Variants in ZFPM1 observed in about 807,000 individuals in gnomAD.
The protein encoded by ZFPM1 is zinc finger protein ZFPM1.
A neutral mutation model predicts 46.3 loss-of-function variants in ZFPM1; 28 were observed. That is an observed-to-expected ratio of 0.60 (90% CI 0.45 to 0.83). ZFPM1 has a LOEUF of 0.83. Ranked by LOEUF, ZFPM1 falls within the 40% of genes least tolerant of loss-of-function variation. The pLI is 0.00. For synonymous variants in ZFPM1, 957 were observed against 675.9 expected, an observed-to-expected ratio of 1.42 and a Z score of -6.45; for missense variants, 1,878 against 1,432.4, an observed-to-expected ratio of 1.31 and a Z score of -5.02.
chr16:88,534,380 GC>G lies in ZFPM1; in HGVS notation c.2426del (p.Pro809ArgfsTer16). 1.4e-6 allele frequency: 2 copies of G among 1,456,338 alleles called. No homozygotes were observed. The highest frequency in any genetic ancestry group is 1.8e-6 in the Non-Finnish European group (2 of 1,109,502). 90.2% of individuals were successfully genotyped at this position (1,456,338 alleles called of 1,614,324 possible). Reference sequence around the variant, plus strand: ...GAAGCCGCGGCGCCCGCTCCCCGGAGCCCCGGCACCGGCGCTGGCCGACTAC... The same window carrying G: ...GAAGCCGCGGCGCCCGCTCCCCGGAGCCCGGCACCGGCGCTGGCCGACTAC... ...SKKPRRPLPG[A>X]PAPALADYHE... On this transcript the variant is annotated frameshift_variant, in exon 10 of 10. Transcript: ENST00000319555. LOFTEE classifies it low-confidence loss of function (END_TRUNC).
At chr16:88,472,498 C>T (rs1284552807) in intron 1 of ZFPM1, among the ~76,000 whole-genome samples, 8 of 151,782 alleles carry the variant, frequency 5.3e-5, no homozygotes, top group South Asian at 2.1e-4. Context: ...GGACTATAGG[C>T]GCCTGCCACC....
In ZFPM1 at chr16:88,534,381, C is replaced by T. The variant is rs765666484; in HGVS notation, c.2423C>T (p.Ala808Val). The stretch of plus-strand genomic sequence containing the variant: ...AAGCCGCGGCGCCCGCTCCCCGGAG[C>T]CCCGGCACCGGCGCTGGCCGACTAC... ...SKKPRRPLPG[A>V]PAPALADYHE... is the part of the protein sequence containing the mutation. The change falls in exon 10 of 10, where the codon GCC (alanine) becomes GTC (valine). Residue 808 changes from alanine to valine, a missense_variant. Ala to Val is a moderately conservative substitution (Grantham distance 64, BLOSUM62 0). Coordinates refer to ENST00000319555, the MANE Select transcript of ZFPM1 (RefSeq NM_153813.3). 2 of 1,457,624 alleles carry T rather than the reference C, an allele frequency of 1.4e-6. No homozygotes were observed. Among genetic ancestry groups the T allele is most frequent in the Non-Finnish European group, 1.8e-6 (2 of 1,109,978 alleles). 90.3% of individuals were successfully genotyped at this position (1,457,624 alleles called of 1,614,324 possible).
At chr16:88,484,597 C>T (rs1012980809) in intron 1 of ZFPM1, among the ~76,000 whole-genome samples, 2 of 152,214 alleles carry the variant, frequency 1.3e-5, no homozygotes, top group South Asian at 2.1e-4. Context: ...CTGCCCCCAT[C>T]GTGCTTCACA....
chr16:88,470,957 G>A (rs961164349), intron 1 of ZFPM1, among the ~76,000 whole-genome samples: 1 of 152,092 alleles, frequency 6.6e-6, no homozygotes, highest in Non-Finnish European at 1.5e-5. Context: ...GGCGGGAGAC[G>A]CAGCGTGACG....
At chr16:88,473,127 G>A (rs959479367) in intron 1 of ZFPM1, among the ~76,000 whole-genome samples, 2 of 152,274 alleles carry the variant, frequency 1.3e-5, no homozygotes, top group Non-Finnish European at 2.9e-5. Context: ...ACCCTGGAAC[G>A]AGGAAAAGGC....
At chr16:88,496,564 G>C (rs1314982025) in intron 3 of ZFPM1, among the ~76,000 whole-genome samples, 1 of 151,932 alleles carries the variant, frequency 6.6e-6, no homozygotes, top group African/African-American at 2.4e-5. Context: ...GAACAGGGGG[G>C]CTCCCCTGGA....
At position 88,534,724 on chromosome 16, in the gene ZFPM1, C is replaced by T. The variant is rs1214231263; in HGVS notation, c.2766C>T (p.Gly922=). ...PGSRGPRDGL[G]PEPQEPPPGP... ...CCCGTGGCCCCCGGGACGGCCTCGG[C>T]CCGGAGCCCCAGGAGCCGCCGCCCG... The change falls in exon 10 of 10, where the codon GGC becomes GGT. Residue 922 remains glycine (G), a synonymous_variant. Coordinates refer to ENST00000319555, the MANE Select transcript of ZFPM1 (RefSeq NM_153813.3). 33 of 983,850 alleles carry T rather than the reference C, an allele frequency of 3.4e-5. No individual in the cohort carries two copies. Among genetic ancestry groups the T allele is most frequent in the Non-Finnish European group, 3.9e-5 (32 of 829,606 alleles). 60.9% of individuals were successfully genotyped at this position (983,850 alleles called of 1,614,324 possible).
At chr16:88,521,482 AG>A (rs1267176623) in intron 4 of ZFPM1, among the ~76,000 whole-genome samples, 3 of 150,578 alleles carry the variant, frequency 2.0e-5, no homozygotes, top group Non-Finnish European at 4.4e-5. Flanking sequence ...CCCCCCGCTA[AG>A]GTATCCTGAG....
intron 1 of ZFPM1, among the ~76,000 whole-genome samples, chr16:88,473,848 G>A (rs762867003): frequency 3.3e-5 from 5 of 152,208 alleles, no homozygotes; most frequent in South Asian, 4.1e-4. Flanking sequence ...GTCCTTGCCC[G>A]CCACGGCCCC....
At chr16:88,493,063 AG>A (rs1909679349) in intron 3 of ZFPM1, among the ~76,000 whole-genome samples, 2 of 121,376 alleles carry the variant, frequency 1.6e-5, no homozygotes, top group African/African-American at 6.3e-5. Context: ...CGGGGTGCGG[AG>A]AGCTGTCCCG....
chr16:88,534,962 G>T lies in ZFPM1; in HGVS notation c.3004G>T (p.Ala1002Ser), dbSNP rs2142503105. 3 of 1,475,172 alleles carry T rather than the reference G, an allele frequency of 2.0e-6. No individual in the cohort carries two copies. Among genetic ancestry groups the T allele is most frequent in the Non-Finnish European group, 1.8e-6 (2 of 1,102,094 alleles). 91.4% of individuals were successfully genotyped at this position (1,475,172 alleles called of 1,614,324 possible). ...HKKYYCSSHAAEHVK is the reference protein window; with the variant it reads ...HKKYYCSSHASEHVK Reference sequence around the variant, plus strand: ...GAAGTATTACTGCTCCTCGCACGCCGCCGAGCACGTGAAGTGAGCGCCCAC... The same window carrying T: ...GAAGTATTACTGCTCCTCGCACGCCTCCGAGCACGTGAAGTGAGCGCCCAC... The change falls in exon 10 of 10, where the codon GCC (alanine) becomes TCC (serine). Residue 1002 changes from alanine to serine, a missense_variant. Physicochemically the swap from Ala to Ser is moderately conservative, Grantham distance 99. Coordinates refer to ENST00000319555, the MANE Select transcript of ZFPM1 (RefSeq NM_153813.3).
In ZFPM1 at chr16:88,528,069, T is replaced by C; in HGVS notation, c.543T>C (p.Pro181=). 1 of 1,562,756 alleles carries C rather than the reference T, an allele frequency of 6.4e-7. No homozygotes were observed. Among genetic ancestry groups the C allele is most frequent in the Non-Finnish European group, 8.7e-7 (1 of 1,153,734 alleles). Residue 181 remains proline, a synonymous_variant, in exon 6 of 10, where the codon CCT becomes CCC. Coordinates refer to ENST00000319555, the MANE Select transcript of ZFPM1 (RefSeq NM_153813.3). ...GGTGCAGGGTCACCAAGCCGGTGCC[T>C]GCGGGGGGACTCCTGAGCGTGCTCC... ...ALWCRVTKPV[P]AGGLLSVLLT...
chr16:88,501,169 CAGACAT>C (rs1910256892), intron 3 of ZFPM1, among the ~76,000 whole-genome samples: 2 of 116,598 alleles, frequency 1.7e-5, no homozygotes, highest in Non-Finnish European at 3.7e-5. Flanking sequence ...ATGGAGATAG[CAGACAT>C]GGGTGCGGGG....
chr16:88,475,316 G>A (rs1388225253), intron 1 of ZFPM1, among the ~76,000 whole-genome samples: 1 of 152,246 alleles, frequency 6.6e-6, no homozygotes, highest in Non-Finnish European at 1.5e-5. Context: ...CAGGGACCAT[G>A]GTGAGGGCAG....
chr16:88,492,612 C>T (rs1039715114), intron 3 of ZFPM1, among the ~76,000 whole-genome samples: 4 of 152,214 alleles, frequency 2.6e-5, no homozygotes, highest in African/African-American at 9.7e-5. Context: ...TGGGAAACCC[C>T]CCAACCCCGA....
intron 1 of ZFPM1, among the ~76,000 whole-genome samples, chr16:88,482,666 C>G (rs139090898): frequency 6.6e-6 from 1 of 152,122 alleles, no homozygotes; most frequent in African/African-American, 2.4e-5. Context: ...CTCTGGTCCC[C>G]GAAGTCCCTG....
At chr16:88,516,402 G>C (rs1440738542) in intron 4 of ZFPM1, 3 of 397,648 alleles carry the variant, frequency 7.5e-6, no homozygotes, top group East Asian at 7.1e-5. Context: ...GCTCCCAAGT[G>C]GGGAGATAAC....
At chr16:88,509,842 G>A (rs1305466170) in intron 3 of ZFPM1, among the ~76,000 whole-genome samples, 1 of 152,192 alleles carries the variant, frequency 6.6e-6, no homozygotes, top group Non-Finnish European at 1.5e-5. Context: ...TGGGATGGGA[G>A]CAGACGCTCC....
chr16:88,461,288 G>A (rs989387371), intron 1 of ZFPM1, among the ~76,000 whole-genome samples: 1 of 152,012 alleles, frequency 6.6e-6, no homozygotes, highest in African/African-American at 2.4e-5. Context: ...GCCTGGTGAG[G>A]ACCAGGATGC....
Sources: gnomAD v4.1 joint callset for allele counts (sites outside exome capture counted in the v4.1 genomes callset) on GRCh38, gnomAD v4.1.1 for gene constraint, MANE v1.5 for transcripts, NCBI Gene and HGNC (gene_info 2026-07-23, HGNC 2026-07-21) for gene names.